Variants in PRKCB observed in about 807,000 individuals in gnomAD.
The protein encoded by PRKCB is protein kinase C beta type.
A neutral mutation model predicts 81.5 loss-of-function variants in PRKCB; 13 were observed. The observed-to-expected ratio is 0.16, with a 90% CI of 0.10 to 0.25. The LOEUF (loss-of-function observed/expected upper bound fraction) is 0.25. Among genes scored for constraint, PRKCB ranks in the 10% least tolerant of loss-of-function variants. PRKCB has a pLI of 1.00. For synonymous variants in PRKCB, 335 were observed against 321.4 expected (o/e 1.04, Z -0.45); for missense variants, 509 against 875.7 (o/e 0.58, Z 5.29).
intron 2 of PRKCB, among the ~76,000 whole-genome samples, chr16:23,956,264 C>T (rs865945486): frequency 6.6e-5 from 10 of 152,092 alleles, no homozygotes; most frequent in African/African-American, 9.6e-5. Context: ...ACTACAGGCA[C>T]GCGCCACCAC....
chr16:24,175,725 G>A (rs530026003), intron 12 of PRKCB, among the ~76,000 whole-genome samples: 8 of 151,860 alleles, frequency 5.3e-5, no homozygotes, highest in African/African-American at 1.4e-4. Flanking sequence ...TAATCCCAAC[G>A]CTTTGGGAGG....
intron 2 of PRKCB, among the ~76,000 whole-genome samples, chr16:23,838,291 G>T (rs1962204610): frequency 6.6e-6 from 1 of 152,206 alleles, no homozygotes; most frequent in South Asian, 2.1e-4. Flanking sequence ...TCTCACTTTC[G>T]CTTGAAAACA....
intron 12 of PRKCB, among the ~76,000 whole-genome samples, chr16:24,177,755 G>A (rs980306815): frequency 6.6e-6 from 1 of 152,136 alleles, no homozygotes; most frequent in Non-Finnish European, 1.5e-5. Flanking sequence ...TGGCAGCTTG[G>A]GTGGTGGTGT....
At chr16:24,196,752 G>T (rs757626579) in intron 16 of PRKCB, among the ~76,000 whole-genome samples, 8 of 152,250 alleles carry the variant, frequency 5.3e-5, no homozygotes, top group Non-Finnish European at 1.2e-4. Flanking sequence ...TGTAGCAGGG[G>T]CTAGAACTCA....
intron 5 of PRKCB, among the ~76,000 whole-genome samples, chr16:24,075,716 G>A (rs1596538059): frequency 6.6e-6 from 1 of 152,206 alleles, no homozygotes; most frequent in Non-Finnish European, 1.5e-5. Context: ...TAGTTGCAAG[G>A]AAGTGGGTCA....
intron 2 of PRKCB, among the ~76,000 whole-genome samples, chr16:23,905,568 G>A (rs1963546655): frequency 6.6e-6 from 1 of 152,194 alleles, no homozygotes; most frequent in Non-Finnish European, 1.5e-5. Context: ...TGCTATTCAG[G>A]TTTAACTGGG....
At chr16:24,043,475 A>G (rs1965727206) in intron 5 of PRKCB, among the ~76,000 whole-genome samples, 1 of 152,038 alleles carries the variant, frequency 6.6e-6, no homozygotes, top group Non-Finnish European at 1.5e-5. Flanking sequence ...CTGTCTATGG[A>G]ACATCTATCA....
intron 2 of PRKCB, among the ~76,000 whole-genome samples, chr16:23,875,621 T>C (rs865938359): frequency 7.3e-4 from 71 of 97,142 alleles, no homozygotes; most frequent in African/African-American, 2.5e-3. Context: ...CACACACATA[T>C]ATGTATGTAT....
intron 5 of PRKCB, among the ~76,000 whole-genome samples, chr16:24,075,846 A>G (rs1966169786): frequency 6.6e-6 from 1 of 152,226 alleles, no homozygotes; most frequent in Non-Finnish European, 1.5e-5. Context: ...TGAGTGTCAC[A>G]TCAGAGTCAT....
At chr16:23,957,381 G>A (rs531292503) in intron 2 of PRKCB, among the ~76,000 whole-genome samples, 1 of 152,112 alleles carries the variant, frequency 6.6e-6, no homozygotes, top group South Asian at 2.1e-4. Flanking sequence ...GCCCTGGAAG[G>A]GTAAAGAAAA....
chr16:23,861,000 G>C (rs1476330217), intron 2 of PRKCB, among the ~76,000 whole-genome samples: 1 of 152,104 alleles, frequency 6.6e-6, no homozygotes. Flanking sequence ...TCTAATGCAT[G>C]CAAATCTCCC....
At chr16:24,056,255 G>A (rs1169971626) in intron 5 of PRKCB, among the ~76,000 whole-genome samples, 1 of 152,158 alleles carries the variant, frequency 6.6e-6, no homozygotes, top group Non-Finnish European at 1.5e-5. Flanking sequence ...CATACCTCCT[G>A]GCATCAGACT....
Position 24,035,485 on chromosome 16 carries a change from C to G in PRKCB, c.467C>G (p.Thr156Arg). 6.2e-7 allele frequency: 1 copy of G among 1,614,160 alleles called. No homozygotes were observed. The highest frequency in any genetic ancestry group is 8.5e-7 in the Non-Finnish European group (1 of 1,180,004). ...NVPSLCGTDH[T>R]ERRGRIYIQA... ...CCCAGCCTGTGTGGCACGGACCACA[C>G]GGAGCGCCGCGGCCGCATCTACATC... The change falls in exon 5 of 17, where the codon ACG becomes AGG. Residue 156 changes from threonine (T) to arginine (R), a missense_variant. This residue lies in a region of PRKCB where 184 missense variants were observed against 362.9 expected (regional missense o/e 0.51). Transcript: ENST00000643927.
At chr16:24,116,727 C>G (rs1966741239) in intron 8 of PRKCB, among the ~76,000 whole-genome samples, 1 of 152,206 alleles carries the variant, frequency 6.6e-6, no homozygotes, top group East Asian at 1.9e-4. Context: ...CCAGAGAACA[C>G]TTTCTGTCTC....
chr16:24,160,949 G>A (rs1967245169), intron 10 of PRKCB, among the ~76,000 whole-genome samples: 1 of 152,080 alleles, frequency 6.6e-6, no homozygotes, highest in Non-Finnish European at 1.5e-5. Context: ...GGAGGCCGGT[G>A]TCGCCCCGGT....
intron 2 of PRKCB, among the ~76,000 whole-genome samples, chr16:23,924,629 A>G (rs1963872856): frequency 6.6e-6 from 1 of 152,060 alleles, no homozygotes; most frequent in African/African-American, 2.4e-5. Flanking sequence ...TTACTTCCTA[A>G]TAAACTAAGA....
intron 3 of PRKCB, among the ~76,000 whole-genome samples, chr16:24,031,155 A>C (rs904118110): frequency 3.3e-4 from 51 of 152,246 alleles, no homozygotes; most frequent in African/African-American, 1.1e-3. Flanking sequence ...TCTGCCTTTT[A>C]CCACTGCACT....
chr16:24,170,154 A>C (rs748959117), intron 10 of PRKCB, among the ~76,000 whole-genome samples: 5 of 152,128 alleles, frequency 3.3e-5, no homozygotes, highest in Non-Finnish European at 7.4e-5. Context: ...ACTTGCTAGA[A>C]TGAAAGACAA....
intron 2 of PRKCB, among the ~76,000 whole-genome samples, chr16:23,856,150 A>G (rs766007366): frequency 6.6e-6 from 1 of 152,204 alleles, no homozygotes; most frequent in Non-Finnish European, 1.5e-5. Context: ...GGCCTAGGGA[A>G]TGACATGGGA....
Sources: gnomAD v4.1 joint callset for allele counts (sites outside exome capture counted in the v4.1 genomes callset) on GRCh38, gnomAD v4.1.1 for gene constraint, gnomAD v4.1.1 regional missense constraint, MANE v1.5 for transcripts, NCBI Gene and HGNC (gene_info 2026-07-23, HGNC 2026-07-21) for gene names.